The following NEO1 variants were observed in gnomAD, a reference collection of about 807,000 sequenced individuals.
NEO1 encodes the protein neogenin 1, also known as neogenin.
NEO1 carries 63 observed loss-of-function variants against 159.7 expected under a neutral mutation model. That is an observed-to-expected ratio of 0.39 (90% CI 0.32 to 0.49). The LOEUF is 0.49. NEO1 is among the 20% of genes least tolerant of loss of function. NEO1 has a pLI of 0.85. For synonymous variants in NEO1, 633 were observed against 662.0 expected, an observed-to-expected ratio of 0.96 and a Z score of 0.67; for missense variants, 1,615 against 1,831.0, an observed-to-expected ratio of 0.88 and a Z score of 2.15.
intron 7 of NEO1, among the ~76,000 whole-genome samples, chr15:73,225,907 C>T (rs912335361): frequency 1.3e-5 from 2 of 152,296 alleles, no homozygotes; most frequent in East Asian, 3.9e-4. Context: ...CCCAAAGGAT[C>T]CCTGTGGTGC....
chr15:73,271,919 A>C (rs1189763610), intron 18 of NEO1, among the ~76,000 whole-genome samples: 3 of 152,072 alleles, frequency 2.0e-5, no homozygotes, highest in South Asian at 4.1e-4. Context: ...AAAAAAAAAA[A>C]AAAAAACAGC....
intron 5 of NEO1, among the ~76,000 whole-genome samples, chr15:73,159,430 G>A (rs538465018): frequency 3.9e-5 from 6 of 152,092 alleles, no homozygotes; most frequent in African/African-American, 1.4e-4. Context: ...GTGTCTCGGT[G>A]TTGGGTCCTG....
chr15:73,121,848 T>C (rs2071673195), intron 2 of NEO1, among the ~76,000 whole-genome samples: 1 of 152,054 alleles, frequency 6.6e-6, no homozygotes, highest in Admixed American at 6.6e-5. Flanking sequence ...TATGTCCACA[T>C]TGTTCTTTGG....
chr15:73,288,732 A>T (rs921250853), intron 24 of NEO1, among the ~76,000 whole-genome samples, 181 bp downstream of exon 24: 1 of 151,960 alleles, frequency 6.6e-6, no homozygotes, highest in African/African-American at 2.4e-5. Context: ...TATGGGAGAG[A>T]GATTCTGTAG....
chr15:73,276,846 ACT>A (rs1165730996), intron 21 of NEO1, among the ~76,000 whole-genome samples: 7 of 152,222 alleles, frequency 4.6e-5, no homozygotes, highest in African/African-American at 1.4e-4. Context: ...TGTAGAAATA[ACT>A]CTCATTTATA....
intron 7 of NEO1, among the ~76,000 whole-genome samples, chr15:73,220,041 T>C (rs1276412331): frequency 1.3e-5 from 2 of 152,204 alleles, no homozygotes; most frequent in Non-Finnish European, 2.9e-5. Flanking sequence ...CATTTTGGCA[T>C]GGTTTTGCAG....
At chr15:73,202,614 T>C (rs563012737) in intron 7 of NEO1, among the ~76,000 whole-genome samples, 1 of 152,296 alleles carries the variant, frequency 6.6e-6, no homozygotes, top group Non-Finnish European at 1.5e-5. Context: ...GCTAATATTT[T>C]CCCCCATTTT....
chr15:73,117,558 T>C (rs1230423212), intron 2 of NEO1, among the ~76,000 whole-genome samples: 1 of 152,206 alleles, frequency 6.6e-6, no homozygotes, highest in African/African-American at 2.4e-5. Context: ...ATGTTATCTT[T>C]AAGTCCTGTA....
chr15:73,284,034 T>TTTTGTGGGATTTTGAG (rs2041840397), intron 23 of NEO1, among the ~76,000 whole-genome samples: 1 of 152,184 alleles, frequency 6.6e-6, no homozygotes, highest in Non-Finnish European at 1.5e-5. Context: ...TTGTGGCTAA[T>TTTTGTGGGATTTTGAG]GGTCTAAGTG....
intron 5 of NEO1, among the ~76,000 whole-genome samples, chr15:73,157,759 T>G (rs189954183): frequency 9.9e-4 from 151 of 152,372 alleles, no homozygotes; most frequent in African/African-American, 3.4e-3. Flanking sequence ...GAAATGCTTC[T>G]ACTCAGCCAT....
chr15:73,268,312 T>G (rs1359518084), intron 16 of NEO1, among the ~76,000 whole-genome samples: 2 of 152,244 alleles, frequency 1.3e-5, no homozygotes, highest in Non-Finnish European at 2.9e-5. Context: ...CTTCCTTTTA[T>G]GTGGCTTAAA....
chr15:73,117,368 G>T (rs543012264), intron 2 of NEO1, among the ~76,000 whole-genome samples: 1 of 152,184 alleles, frequency 6.6e-6, no homozygotes, highest in Non-Finnish European at 1.5e-5. Flanking sequence ...CTCCTTTTCA[G>T]AGTATCCTTA....
chr15:73,143,342 C>G (rs1378428185), intron 5 of NEO1: 1 of 157,038 alleles, frequency 6.4e-6, no homozygotes, highest in East Asian at 1.8e-4. Context: ...CTCTGTGACC[C>G]ACATTCATCT....
intron 3 of NEO1, among the ~76,000 whole-genome samples, chr15:73,124,732 A>T (rs561467087): frequency 6.6e-6 from 1 of 152,080 alleles, no homozygotes; most frequent in South Asian, 2.1e-4. Context: ...TTCTCCTTCT[A>T]CCTTCATTTT....
intron 7 of NEO1, among the ~76,000 whole-genome samples, chr15:73,199,051 C>A (rs74025266): frequency 0.012 from 1,814 of 147,866 alleles, 31 homozygotes; most frequent in African/African-American, 0.043. Flanking sequence ...GCCATTATTA[C>A]ATTTAGTCAT....
intron 1 of NEO1, among the ~76,000 whole-genome samples, chr15:73,068,131 G>A (rs1400179318): frequency 6.6e-6 from 1 of 152,070 alleles, no homozygotes; most frequent in Non-Finnish European, 1.5e-5. Flanking sequence ...GAGACAGGGA[G>A]GTTTACTGCT....
chr15:73,205,739 A>G (rs1199175044), intron 7 of NEO1, among the ~76,000 whole-genome samples: 3 of 152,036 alleles, frequency 2.0e-5, no homozygotes, highest in African/African-American at 7.3e-5. Flanking sequence ...TGGGGTGGGG[A>G]TTTGCCCTGC....
chr15:73,255,116 T>C (rs1010314767), intron 13 of NEO1, among the ~76,000 whole-genome samples: 3 of 152,216 alleles, frequency 2.0e-5, no homozygotes, highest in Admixed American at 6.5e-5. Flanking sequence ...TTTTTTGTAA[T>C]CTTAAAAATG....
chr15:73,194,322 T>C (rs2152027402), intron 7 of NEO1, among the ~76,000 whole-genome samples: 1 of 152,310 alleles, frequency 6.6e-6, no homozygotes, highest in South Asian at 2.1e-4. Flanking sequence ...TGGCTTTGTA[T>C]TAGTTCATTT....
Sources: gnomAD v4.1 joint callset for allele counts (sites outside exome capture counted in the v4.1 genomes callset) on GRCh38, gnomAD v4.1.1 for gene constraint, MANE v1.5 for transcripts, NCBI Gene and HGNC (gene_info 2026-07-23, HGNC 2026-07-21) for gene names.